The following DOCK2 variants were observed in gnomAD, a reference collection of about 807,000 sequenced individuals.
The protein encoded by DOCK2 is dedicator of cytokinesis 2.
Under a neutral mutation model 248.9 loss-of-function variants are expected in DOCK2, and 87 were observed. That is an observed-to-expected ratio of 0.35 (90% CI 0.29 to 0.42). The LOEUF (loss-of-function observed/expected upper bound fraction) is 0.42, where lower values mean the gene tolerates loss of function less well. Among genes scored for constraint, DOCK2 ranks in the 10% least tolerant of loss-of-function variants. The probability of loss-of-function intolerance (pLI) is 1.00; values close to 1 mark genes in which losing one functional copy is unlikely to be tolerated. For synonymous variants in DOCK2, 805 were observed against 821.6 expected (o/e 0.98, Z 0.35); for missense variants, 1,747 against 2,300.2 (o/e 0.76, Z 4.92).
chr5:169,677,765 A>C (rs1198402769), intron 6 of DOCK2, among the ~76,000 whole-genome samples: 1 of 152,248 alleles, frequency 6.6e-6, no homozygotes, highest in Non-Finnish European at 1.5e-5. Context: ...ACGGGGACAC[A>C]GGGCATTGTA....
At chr5:169,748,494 T>C (rs6889103) in intron 23 of DOCK2, among the ~76,000 whole-genome samples, 18,881 of 152,214 alleles carry the variant, frequency 0.12, 1,991 homozygotes, top group Admixed American at 0.29. Context: ...GAAGCAAAGT[T>C]TGAGAACCAC....
intron 26 of DOCK2, among the ~76,000 whole-genome samples, chr5:169,810,859 C>T (rs773153449): frequency 3.3e-5 from 5 of 152,144 alleles, no homozygotes; most frequent in South Asian, 2.1e-4. Context: ...CCTTTATCCC[C>T]GTCTTCTACT....
At chr5:169,681,113 CTTTTTTTTTTTTTT>C (rs764614478) in intron 6 of DOCK2, among the ~76,000 whole-genome samples, 4 of 94,198 alleles carry the variant, frequency 4.2e-5, no homozygotes, top group Non-Finnish European at 6.5e-5. Flanking sequence ...TTTAGTAGAC[CTTTTTTTTTTTTTT>C]TTTTTTTTTT....
intron 43 of DOCK2, chr5:170,057,174 A>G (rs1390568522): frequency 3.9e-5 from 14 of 358,222 alleles, no homozygotes; most frequent in South Asian, 2.6e-5. Context: ...GGATTCAAAC[A>G]AGACTGGATT....
intron 27 of DOCK2, among the ~76,000 whole-genome samples, chr5:169,912,814 G>A (rs2113625188): frequency 6.6e-6 from 1 of 152,076 alleles, no homozygotes; most frequent in Admixed American, 6.6e-5. Context: ...CCAGAGTGTT[G>A]AGATTTTTTT....
At chr5:169,710,857 A>C (rs1174142213) in intron 15 of DOCK2, among the ~76,000 whole-genome samples, 2 of 152,084 alleles carry the variant, frequency 1.3e-5, no homozygotes, top group Non-Finnish European at 2.9e-5. Context: ...TCTCTCTTGC[A>C]CCTCAGTTGT....
chr5:170,047,713 G>A (rs756419496), intron 40 of DOCK2, 99 bp downstream of exon 40: 113 of 1,100,924 alleles, frequency 1.0e-4, no homozygotes, highest in Non-Finnish European at 1.3e-4. Context: ...GCTCAGAAGC[G>A]GTGCTCTTCT....
At chr5:169,964,917 G>A (rs143536318) in intron 27 of DOCK2, among the ~76,000 whole-genome samples, 153 of 152,284 alleles carry the variant, frequency 1.0e-3, no homozygotes, top group African/African-American at 3.5e-3. Context: ...AGTCTCCGTC[G>A]CTCATGACTA....
Position 169,916,075 on chromosome 5 carries a change from T to C in DOCK2, c.2800-66993T>C, listed in dbSNP as rs77334497. Among the ~76,000 whole-genome samples the C allele has an allele frequency of 2.9e-3, 437 of 152,304 alleles. 1 individual carries two copies. Among genetic ancestry groups the C allele is most frequent in the African/African-American group, 0.01 (424 of 41,564 alleles). On this transcript the variant is annotated intron_variant, in intron 27 of 51. Coordinates refer to ENST00000520908, the MANE Select transcript of DOCK2 (RefSeq NM_004946.3). ...AAGTATGGGAACTCAGAGGGCTGAATAGAGGATTGCCAGGCAGTTAATGAG... is the reference window on the plus strand; with the variant it reads ...AAGTATGGGAACTCAGAGGGCTGAACAGAGGATTGCCAGGCAGTTAATGAG...
At chr5:169,879,595 G>A (rs1362097764) in intron 27 of DOCK2, among the ~76,000 whole-genome samples, 1 of 152,116 alleles carries the variant, frequency 6.6e-6, no homozygotes, top group Non-Finnish European at 1.5e-5. Flanking sequence ...CCCAACCAGG[G>A]GTGTAACTTA....
Position 170,081,981 on chromosome 5 carries a change from A to G in DOCK2, c.5427A>G (p.Thr1809=), listed in dbSNP as rs1561913282. Residue 1809 remains threonine, a synonymous_variant, in exon 51 of 52, where the codon ACA becomes ACG. Coordinates refer to ENST00000520908, the MANE Select transcript of DOCK2 (RefSeq NM_004946.3). Reference sequence around the variant, plus strand: ...AGAAGGTCAATCAGTTCTTCAAGACAATGGTGAGGACATTGAGGGTGGAAG... The same window carrying G: ...AGAAGGTCAATCAGTTCTTCAAGACGATGGTGAGGACATTGAGGGTGGAAG... The part of the protein sequence containing the change: ...TRKKVNQFFK[T]MLASKSAEEG... The G allele has an allele frequency of 1.2e-6, 2 of 1,613,712 alleles. No individual in the cohort carries two copies.
At chr5:169,772,641 G>A (rs528170118) in intron 25 of DOCK2, among the ~76,000 whole-genome samples, 2 of 152,286 alleles carry the variant, frequency 1.3e-5, no homozygotes, top group East Asian at 3.9e-4. Context: ...CACCAACAAT[G>A]AAAATCTATG....
chr5:169,963,606 T>C (rs558491046), intron 27 of DOCK2, among the ~76,000 whole-genome samples: 63 of 152,268 alleles, frequency 4.1e-4, no homozygotes, highest in African/African-American at 1.5e-3. Flanking sequence ...TCCCCTCCGG[T>C]GCACATCAAA....
intron 42 of DOCK2, among the ~76,000 whole-genome samples, chr5:170,055,768 T>C (rs940969238): frequency 2.0e-5 from 3 of 152,366 alleles, no homozygotes; most frequent in African/African-American, 7.2e-5. Context: ...TTGTCCATGC[T>C]GAGCACATGC....
At position 169,671,065 on chromosome 5, in the gene DOCK2, C is replaced by T. The variant is rs1219798447; in HGVS notation, c.225-13C>T. ...TCTCAATTTCACACCACTTTTTCTCCCACCTTAAATAGAAATACTGAGAAC... is the reference window on the plus strand; with the variant it reads ...TCTCAATTTCACACCACTTTTTCTCTCACCTTAAATAGAAATACTGAGAAC... On this transcript the variant is annotated splice_polypyrimidine_tract_variant and intron_variant, in intron 4 of 51. Coordinates refer to ENST00000520908, the MANE Select transcript of DOCK2 (RefSeq NM_004946.3). The T allele has an allele frequency of 6.2e-7, 1 of 1,609,626 alleles. No homozygotes were observed. Among genetic ancestry groups the T allele is most frequent in the Non-Finnish European group, 8.5e-7 (1 of 1,177,556 alleles).
intron 15 of DOCK2, among the ~76,000 whole-genome samples, chr5:169,709,619 G>A (rs1294911168): frequency 6.6e-6 from 1 of 152,180 alleles, no homozygotes; most frequent in Non-Finnish European, 1.5e-5. Flanking sequence ...TACTCAGGAG[G>A]CTGAGGCATG....
At chr5:169,914,865 A>G (rs537211979) in intron 27 of DOCK2, among the ~76,000 whole-genome samples, 54 of 152,354 alleles carry the variant, frequency 3.5e-4, no homozygotes, top group African/African-American at 1.3e-3. Context: ...AATGATCTAC[A>G]AAGTCCCTTC....
At chr5:169,697,577 A>T (rs1010060458) in intron 10 of DOCK2, among the ~76,000 whole-genome samples, 1 of 152,150 alleles carries the variant, frequency 6.6e-6, no homozygotes, top group Non-Finnish European at 1.5e-5. Flanking sequence ...AGCCCTGAGG[A>T]TGGATGAGGA....
Position 169,771,982 on chromosome 5 carries a change from C to A in DOCK2, c.2554+10357C>A, listed in dbSNP as rs78526208. Among the ~76,000 whole-genome samples the A allele has an allele frequency of 5.1e-3, 781 of 152,242 alleles. 10 individuals carry two copies. Among genetic ancestry groups the A allele is most frequent in the African/African-American group, 0.018 (759 of 41,516 alleles). The stretch of plus-strand genomic sequence containing the variant: ...TTCCCATTTGACCACACCTCTTTCC[C>A]AGCTTCATCTGCTGGACAGTTTCTC... On this transcript the variant is annotated intron_variant, in intron 25 of 51. Coordinates refer to ENST00000520908, the MANE Select transcript of DOCK2 (RefSeq NM_004946.3).
Sources: gnomAD v4.1 joint callset for allele counts (sites outside exome capture counted in the v4.1 genomes callset) on GRCh38, gnomAD v4.1.1 for gene constraint, MANE v1.5 for transcripts, NCBI Gene and HGNC (gene_info 2026-07-23, HGNC 2026-07-21) for gene names.